The following LHFPL3 variants were observed in gnomAD, a reference collection of about 807,000 sequenced individuals.
The protein encoded by LHFPL3 is LHFPL tetraspan subfamily member 3 protein.
A neutral mutation model predicts 19.3 loss-of-function variants in LHFPL3; 5 were observed. That is an observed-to-expected ratio of 0.26 (90% CI 0.14 to 0.54). The LOEUF (loss-of-function observed/expected upper bound fraction) is 0.54. Among genes scored for constraint, LHFPL3 ranks in the 20% least tolerant of loss-of-function variants. LHFPL3 has a pLI of 0.94. For synonymous variants in LHFPL3, 133 were observed against 126.2 expected (o/e 1.05, Z -0.36); for missense variants, 249 against 307.4 (o/e 0.81, Z 1.42).
intron 1 of LHFPL3, among the ~76,000 whole-genome samples, chr7:104,651,913 T>C (rs1305432931): frequency 1.3e-5 from 2 of 152,212 alleles, no homozygotes; most frequent in Non-Finnish European, 2.9e-5. Context: ...TGACATCACA[T>C]ATGTGGGGTG....
chr7:104,876,445 C>T (rs1156987139), intron 2 of LHFPL3, among the ~76,000 whole-genome samples: 2 of 151,942 alleles, frequency 1.3e-5, no homozygotes, highest in African/African-American at 4.8e-5. Context: ...AAAAAACAAC[C>T]CCATCAAAAA....
At chr7:104,540,233 G>C (rs1794459023) in intron 1 of LHFPL3, among the ~76,000 whole-genome samples, 1 of 151,888 alleles carries the variant, frequency 6.6e-6, no homozygotes, top group Admixed American at 6.6e-5. Flanking sequence ...AATCCATGGA[G>C]GAAAGTAATA....
chr7:104,590,535 A>G (rs1175450348), intron 1 of LHFPL3, among the ~76,000 whole-genome samples: 1 of 152,138 alleles, frequency 6.6e-6, no homozygotes, highest in Non-Finnish European at 1.5e-5. Context: ...ACTTCCAACT[A>G]TGTGGTCAGT....
At chr7:104,389,187 A>G (rs1256706291) in intron 1 of LHFPL3, among the ~76,000 whole-genome samples, 1 of 152,228 alleles carries the variant, frequency 6.6e-6, no homozygotes, top group East Asian at 1.9e-4. Flanking sequence ...TACAGGATAC[A>G]AAATCAATAT....
chr7:104,447,023 G>T (rs1486620237), intron 1 of LHFPL3, among the ~76,000 whole-genome samples: 1 of 152,170 alleles, frequency 6.6e-6, no homozygotes, highest in African/African-American at 2.4e-5. Flanking sequence ...AACTTGCAGA[G>T]AATTTTCGGA....
intron 1 of LHFPL3, among the ~76,000 whole-genome samples, chr7:104,366,758 T>C (rs1447768830): frequency 2.0e-5 from 3 of 152,208 alleles, no homozygotes; most frequent in Non-Finnish European, 4.4e-5. Context: ...TTTGACTACA[T>C]TCTTGATAAA....
chr7:104,546,110 C>G (rs560607773), intron 1 of LHFPL3, among the ~76,000 whole-genome samples: 17 of 152,142 alleles, frequency 1.1e-4, no homozygotes, highest in Non-Finnish European at 1.2e-4. Flanking sequence ...TAGTTCTGAG[C>G]TATTGAGCCA....
intron 1 of LHFPL3, among the ~76,000 whole-genome samples, chr7:104,470,435 ATTTG>A (rs1792884997): frequency 6.6e-6 from 1 of 152,198 alleles, no homozygotes; most frequent in African/African-American, 2.4e-5. Flanking sequence ...ATTTTAAAGC[ATTTG>A]TAATATCTCA....
At chr7:104,427,207 G>A (rs1791864765) in intron 1 of LHFPL3, among the ~76,000 whole-genome samples, 1 of 152,302 alleles carries the variant, frequency 6.6e-6, no homozygotes, top group Admixed American at 6.5e-5. Context: ...AAACACATGT[G>A]ATGTCCTTGA....
intron 1 of LHFPL3, among the ~76,000 whole-genome samples, chr7:104,551,419 A>G (rs1794661200): frequency 6.6e-6 from 1 of 152,092 alleles, no homozygotes; most frequent in Non-Finnish European, 1.5e-5. Flanking sequence ...GCAAAGACTG[A>G]CATGCAGAGG....
intron 1 of LHFPL3, among the ~76,000 whole-genome samples, chr7:104,436,560 T>C (rs944301116): frequency 6.6e-6 from 1 of 152,232 alleles, no homozygotes; most frequent in Non-Finnish European, 1.5e-5. Flanking sequence ...AAATCTTGGT[T>C]CTTACTTTGT....
intron 1 of LHFPL3, among the ~76,000 whole-genome samples, chr7:104,387,935 C>T (rs1259697099): frequency 2.0e-5 from 3 of 152,148 alleles, no homozygotes; most frequent in African/African-American, 7.2e-5. Flanking sequence ...TATCCTCCTC[C>T]TCCTCCCACC....
At chr7:104,720,976 G>A (rs1330688911) in intron 1 of LHFPL3, among the ~76,000 whole-genome samples, 5 of 152,178 alleles carry the variant, frequency 3.3e-5, no homozygotes. Context: ...GGAAGACAGT[G>A]TGACGATTCC....
chr7:104,853,290 G>A (rs1312147402), intron 2 of LHFPL3, among the ~76,000 whole-genome samples: 1 of 152,176 alleles, frequency 6.6e-6, no homozygotes, highest in Non-Finnish European at 1.5e-5. Flanking sequence ...AGCAGCTGGT[G>A]GGAGAGAGAA....
chr7:104,499,743 C>T (rs572971851), intron 1 of LHFPL3, among the ~76,000 whole-genome samples: 25 of 152,264 alleles, frequency 1.6e-4, no homozygotes, highest in African/African-American at 5.5e-4. Context: ...CTAATGATCT[C>T]ATCCATATTT....
intron 1 of LHFPL3, among the ~76,000 whole-genome samples, chr7:104,552,380 C>T (rs542109585): frequency 3.3e-5 from 5 of 152,158 alleles, no homozygotes; most frequent in Non-Finnish European, 7.3e-5. Flanking sequence ...TTACTATAGC[C>T]ATTTCCTCCT....
intron 1 of LHFPL3, among the ~76,000 whole-genome samples, chr7:104,691,978 A>T (rs573037929): frequency 6.6e-6 from 1 of 152,336 alleles, no homozygotes; most frequent in South Asian, 2.1e-4. Context: ...GAGAGGAGGA[A>T]CTTGTTGGGA....
chr7:104,822,799 G>C (rs1029097986), intron 2 of LHFPL3, among the ~76,000 whole-genome samples: 2 of 152,080 alleles, frequency 1.3e-5, no homozygotes, highest in Non-Finnish European at 2.9e-5. Context: ...AAAGGACATG[G>C]ATTGGAGGAT....
At position 104,736,117 on chromosome 7, in the gene LHFPL3, C is replaced by T. The variant is rs189707266; in HGVS notation, c.446-558C>T. On this transcript the variant is annotated intron_variant, in intron 1 of 2. Transcript: ENST00000424859. Reference sequence around the variant, plus strand: ...AGTGTATCCTTTCTCTGTATCCATACCAGAAAAACAAAGAAAAGGAAGGAG... The same window carrying T: ...AGTGTATCCTTTCTCTGTATCCATATCAGAAAAACAAAGAAAAGGAAGGAG... Among the ~76,000 whole-genome samples, 4 of 152,020 alleles carry T rather than the reference C, an allele frequency of 2.6e-5. No homozygotes were observed. The East Asian group carries it at 7.7e-4, about 29-fold the overall frequency.
Sources: gnomAD v4.1 joint callset for allele counts (sites outside exome capture counted in the v4.1 genomes callset) on GRCh38, gnomAD v4.1.1 for gene constraint, MANE v1.5 for transcripts, NCBI Gene and HGNC (gene_info 2026-07-23, HGNC 2026-07-21) for gene names.